The following SARDH variants were observed in gnomAD, a reference collection of about 807,000 sequenced individuals.
SARDH encodes the protein sarcosine dehydrogenase, mitochondrial.
A neutral mutation model predicts 109.1 loss-of-function variants in SARDH; 95 were observed. That is an observed-to-expected ratio of 0.87 (90% CI 0.74 to 1.03). SARDH has a LOEUF of 1.03. Ranked by LOEUF, SARDH falls within the 50% of genes least tolerant of loss-of-function variation. The pLI is 0.00. For synonymous variants in SARDH, 572 were observed against 534.8 expected (o/e 1.07, Z -0.96); for missense variants, 1,267 against 1,287.8 (o/e 0.98, Z 0.25).
intron 13 of SARDH, among the ~76,000 whole-genome samples, chr9:133,697,104 A>G (rs151203869): frequency 1.4e-3 from 216 of 152,330 alleles, no homozygotes; most frequent in African/African-American, 5.1e-3. Context: ...AAAATCAGGA[A>G]TGAAAGACAG....
In SARDH at chr9:133,712,715, A is replaced by G. The variant is rs1354794844; in HGVS notation, c.1238-6T>C. 1 of 1,607,026 alleles carries G rather than the reference A, an allele frequency of 6.2e-7. No individual in the cohort carries two copies. The highest frequency in any genetic ancestry group is 2.2e-5 in the East Asian group (1 of 44,822). ...GCCACCACCCAGCATCATTCCTGGC[A>G]GGAAGAGAAGCGCAGGGCTGCGGTC... On this transcript the variant is annotated splice_polypyrimidine_tract_variant and splice_region_variant and intron_variant, in intron 9 of 20. Coordinates refer to ENST00000439388, the MANE Select transcript of SARDH (RefSeq NM_001134707.2). The surrounding 1 kb of genome is among the most constrained non-coding windows in gnomAD (Gnocchi z 4.1).
chr9:133,664,130 C>T (rs982437639), intron 20 of SARDH, 116 bp from the exon 21 acceptor site: 1 of 1,370,590 alleles, frequency 7.3e-7, no homozygotes, highest in African/African-American at 1.5e-5. Flanking sequence ...TGGGCAAACT[C>T]ATCCCTGTGC....
chr9:133,692,780 G>A lies in SARDH; in HGVS notation c.1921+1478C>T, dbSNP rs536440121. On this transcript the variant is annotated intron_variant, in intron 15 of 20. Coordinates refer to ENST00000439388, the MANE Select transcript of SARDH (RefSeq NM_001134707.2). The surrounding 1 kb of genome is among the most constrained non-coding windows in gnomAD (Gnocchi z 5.0). ...CGTGATGACTGTTGAGGGAACGAGC[G>A]AAGGAACGAGCTCATGGATCCATGA... is the stretch of plus-strand genomic sequence containing the variant. 6.6e-6 allele frequency among the ~76,000 whole-genome samples: 1 copy of A among 152,250 alleles called. No homozygotes were observed. The highest frequency in any genetic ancestry group is 1.5e-5 in the Non-Finnish European group (1 of 68,018).
At chr9:133,670,475 C>T in intron 19 of SARDH, 109 bp downstream of exon 19, 1 of 1,217,906 alleles carries the variant, frequency 8.2e-7, no homozygotes, top group Non-Finnish European at 1.1e-6. Context: ...ATGGCTGGCA[C>T]ATGGGAAGTG....
At chr9:133,684,137 G>A (rs1309459119) in intron 17 of SARDH, among the ~76,000 whole-genome samples, 1 of 152,236 alleles carries the variant, frequency 6.6e-6, no homozygotes, top group African/African-American at 2.4e-5. Context: ...GTCATGCACT[G>A]AGGTTCTCAA....
intron 1 of SARDH, among the ~76,000 whole-genome samples, chr9:133,734,746 T>G (rs491072): frequency 6.6e-6 from 1 of 151,830 alleles, no homozygotes; most frequent in Admixed American, 6.5e-5. Context: ...AGAGGACCAA[T>G]AGCTGGAAAG....
chr9:133,730,269 C>A, intron 4 of SARDH, 82 bp from the exon 5 acceptor site: 1 of 1,539,716 alleles, frequency 6.5e-7, no homozygotes, highest in East Asian at 2.3e-5. Context: ...AACCCCTCCT[C>A]CCAGAGGGGA....
chr9:133,702,848 C>G (rs1288968284), intron 13 of SARDH, 68 bp downstream of exon 13: 7 of 1,456,006 alleles, frequency 4.8e-6, no homozygotes, highest in Admixed American at 1.8e-5. Flanking sequence ...CAGCCGAGGG[C>G]CGGCGCAATG....
chr9:133,666,562 C>T lies in SARDH; in HGVS notation c.2631+173G>A, dbSNP rs1157279094. The stretch of plus-strand genomic sequence containing the variant: ...TTTTTCCTTCCCCCTCCTTCTCCTC[C>T]TTCCTTCCTCCCCCTCTTCCCTCCT... On this transcript the variant is annotated intron_variant, in intron 20 of 20. Transcript: ENST00000439388. This position sits in a 1 kb window ranked among gnomAD's most constrained non-coding sequence, Gnocchi z 5.2. Among the ~76,000 whole-genome samples the T allele has an allele frequency of 4.6e-5, 7 of 151,258 alleles. No individual in the cohort carries two copies. The highest frequency in any genetic ancestry group is 2.1e-4 in the South Asian group (1 of 4,746).
Position 133,738,306 on chromosome 9 carries a change from G to T in SARDH, c.-83C>A, listed in dbSNP as rs923003651. On this transcript the variant is annotated 5_prime_UTR_variant, in exon 1 of 21. Transcript: ENST00000439388. ...CCTAAGAGTGCTTGGCCCAGCAGAG[G>T]TGCCTTCACCTTCTTGCTTCCCAAG... 1 of 152,276 alleles carries T rather than the reference G, an allele frequency of 6.6e-6. No individual in the cohort carries two copies. The highest frequency in any genetic ancestry group is 1.5e-5 in the Non-Finnish European group (1 of 68,076). The allele number at this position is 152,276 out of a possible 1,614,324, so 9.4% of individuals were successfully genotyped here. A position where few individuals can be genotyped will look rare whatever the true frequency, so the allele number is the denominator to read the frequency against.
rs1216325957 is a variant in SARDH, at chr9:133,692,843, C to G, written c.1921+1415G>C. Among the ~76,000 whole-genome samples, 1 of 152,196 alleles carries G rather than the reference C, an allele frequency of 6.6e-6. No individual in the cohort carries two copies. The highest frequency in any genetic ancestry group is 2.4e-5 in the African/African-American group (1 of 41,446). The stretch of plus-strand genomic sequence containing the variant: ...GTGGCTCAGCCCATGGCTCCCTCAG[C>G]CTCCACGTCGCCAACGGCAGGAGGG... On this transcript the variant is annotated intron_variant, in intron 15 of 20. Transcript: ENST00000439388. This position sits in a 1 kb window ranked among gnomAD's most constrained non-coding sequence, Gnocchi z 5.0.
At chr9:133,731,045 A>G (rs1186691017) in intron 4 of SARDH, among the ~76,000 whole-genome samples, 2 of 152,208 alleles carry the variant, frequency 1.3e-5, no homozygotes, top group African/African-American at 4.8e-5. Flanking sequence ...TACAAATTAT[A>G]AGAAGGGCTT....
intron 19 of SARDH, 198 bp from the exon 20 acceptor site, chr9:133,667,068 G>A (rs56205329): frequency 0.024 from 15,798 of 646,558 alleles, 273 homozygotes; most frequent in Non-Finnish European, 0.034. Flanking sequence ...CTCGGGCTTC[G>A]AGTGAGTAAA....
chr9:133,671,587 G>A lies in SARDH; in HGVS notation c.2274C>T (p.His758=), dbSNP rs371772872. 38 of 1,607,320 alleles carry A rather than the reference G, an allele frequency of 2.4e-5. No individual in the cohort carries two copies. The highest frequency in any genetic ancestry group is 1.1e-4 in the African/African-American group (8 of 74,784). ...CGCGGTACCCTGCGTTGATGAGGCC[G>A]TGCTTGGCACCCGCGGCCATCACAG... is the stretch of plus-strand genomic sequence containing the variant. The part of the protein sequence containing the change: ...YRAVMAAGAK[H]GLINAGYRAI... Residue 758 remains histidine (H), a synonymous_variant, in exon 18 of 21, where the codon CAC becomes CAT. Transcript: ENST00000439388.
intron 6 of SARDH, among the ~76,000 whole-genome samples, chr9:133,726,368 A>AAATAATAATAATAATAAT (rs547588474): frequency 0.084 from 9,554 of 114,000 alleles, 552 homozygotes; most frequent in Non-Finnish European, 0.088. Flanking sequence ...ACCCTGTCTC[A>AAATAATAATAATAATAAT]AATAATAATA....
intron 17 of SARDH, among the ~76,000 whole-genome samples, chr9:133,672,140 C>T (rs928968911): frequency 3.3e-5 from 5 of 151,640 alleles, no homozygotes; most frequent in South Asian, 2.1e-4. Context: ...AGCCTCCTCC[C>T]GAGCACCTCC....
chr9:133,677,102 G>A (rs1250813675), intron 17 of SARDH, among the ~76,000 whole-genome samples: 1 of 152,166 alleles, frequency 6.6e-6, no homozygotes, highest in African/African-American at 2.4e-5. Flanking sequence ...TCGCCCCACT[G>A]CACTCCAGCC....
At chr9:133,729,971 C>T in intron 5 of SARDH, 93 bp downstream of exon 5, 1 of 1,589,506 alleles carries the variant, frequency 6.3e-7, no homozygotes. Context: ...AGCAGGGGCT[C>T]CCCACCCCAG....
At chr9:133,705,053 G>C in intron 11 of SARDH, 22 bp from the exon 12 acceptor site, 2 of 1,573,694 alleles carry the variant, frequency 1.3e-6, no homozygotes, top group Non-Finnish European at 1.7e-6. Flanking sequence ...TGGGGAACAG[G>C]CATCTGTCAC....
Sources: allele counts gnomAD v4.1 joint callset (sites outside exome capture counted in the v4.1 genomes callset), GRCh38; gene constraint gnomAD v4.1.1; non-coding constraint Gnocchi (gnomAD v3.1); transcripts MANE v1.5; gene names NCBI Gene and HGNC (gene_info 2026-07-23, HGNC 2026-07-21).